Variants in SMAD9 observed in about 807,000 individuals in gnomAD.
SMAD9 encodes the protein SMAD family member 9.
SMAD9 carries 36 observed loss-of-function variants against 46.1 expected under a neutral mutation model. The observed-to-expected ratio is 0.78, with a 90% CI of 0.60 to 1.03. The LOEUF is 1.03. SMAD9 is among the 50% of genes least tolerant of loss of function. SMAD9 has a pLI of 0.00. For synonymous variants in SMAD9, 245 were observed against 237.1 expected, an observed-to-expected ratio of 1.03 and a Z score of -0.31; for missense variants, 572 against 599.8, an observed-to-expected ratio of 0.95 and a Z score of 0.48.
chr13:36,899,853 C>T (rs1190177803), intron 1 of SMAD9, among the ~76,000 whole-genome samples: 2 of 152,218 alleles, frequency 1.3e-5, no homozygotes, highest in East Asian at 1.9e-4. Flanking sequence ...CCCTGCTTTA[C>T]ACTAGTCCCT....
At chr13:36,879,188 C>G in intron 2 of SMAD9, 90 bp downstream of exon 2, 1 of 1,144,412 alleles carries the variant, frequency 8.7e-7, no homozygotes, top group Non-Finnish European at 1.3e-6. Flanking sequence ...TGGGAGAGGT[C>G]CCTGTCTGCT....
At chr13:36,858,185 T>TA (rs146116598) in intron 5 of SMAD9, among the ~76,000 whole-genome samples, 2,693 of 152,080 alleles carry the variant, frequency 0.018, 75 homozygotes, top group African/African-American at 0.061. Context: ...TTTCCCACAA[T>TA]AAAAAAGTTT....
rs371228985 is a variant in SMAD9, at chr13:36,908,637, C to T, written c.-187+11479G>A. Among the ~76,000 whole-genome samples the T allele has an allele frequency of 8.5e-4, 129 of 152,236 alleles. 1 individual carries two copies. In the South Asian group the frequency reaches 0.024, roughly 29 times the overall value. ...ATATTTGAAGTTCATTTTAAAAATA[C>T]ATCATCATCACTCCTGAATTTGGGT... is the stretch of plus-strand genomic sequence containing the variant. On this transcript the variant is annotated intron_variant, in intron 1 of 6. Transcript: ENST00000379826.
intron 2 of SMAD9, among the ~76,000 whole-genome samples, chr13:36,876,222 C>A (rs958158488): frequency 1.3e-5 from 2 of 151,886 alleles, no homozygotes; most frequent in Middle Eastern, 3.2e-3. Flanking sequence ...CATGGGCATG[C>A]AAAGCAGAGC....
chr13:36,862,166 A>T (rs1314487034), intron 5 of SMAD9, among the ~76,000 whole-genome samples: 1 of 152,144 alleles, frequency 6.6e-6, no homozygotes, highest in African/African-American at 2.4e-5. Context: ...TCTGTGTCAC[A>T]GCCATTTGAA....
intron 1 of SMAD9, among the ~76,000 whole-genome samples, chr13:36,912,966 TAA>T (rs1213983389): frequency 3.9e-5 from 6 of 152,200 alleles, no homozygotes; most frequent in Non-Finnish European, 8.8e-5. Context: ...GTCCCTCGTA[TAA>T]AATGGTATAT....
At chr13:36,907,273 A>T (rs554385424) in intron 1 of SMAD9, among the ~76,000 whole-genome samples, 1 of 151,482 alleles carries the variant, frequency 6.6e-6, no homozygotes, top group East Asian at 2.0e-4. Flanking sequence ...AATGGTACAG[A>T]GTTTCAGTTT....
intron 3 of SMAD9, 34 bp downstream of exon 3, chr13:36,872,624 C>A (rs1449809353): frequency 6.2e-7 from 1 of 1,612,078 alleles, no homozygotes; most frequent in Non-Finnish European, 8.5e-7. Flanking sequence ...GCTTATTTTC[C>A]CGTATTTCCC....
chr13:36,860,536 G>C (rs1424995572), intron 5 of SMAD9, among the ~76,000 whole-genome samples: 1 of 149,182 alleles, frequency 6.7e-6, no homozygotes, highest in East Asian at 2.0e-4. Context: ...TGCAAGCTCT[G>C]CCTCCTGGGT....
rs61006734 is a variant in SMAD9 at position 36,882,227 on chromosome 13, C to CTGTGTGTGTGTG, written c.-186-2364_-186-2353dup. On this transcript the variant is annotated intron_variant, in intron 1 of 6. Coordinates refer to ENST00000379826, the MANE Select transcript of SMAD9 (RefSeq NM_001127217.3). ...AAAAATTTTCATTCACAGGTATGTG[C>CTGTGTGTGTGTG]TGTGTGTGTGTGTGTGTGTGTGTGT... 3.3e-4 allele frequency among the ~76,000 whole-genome samples: 50 copies of CTGTGTGTGTGTG among 149,430 alleles called. 1 individual carries two copies. The highest frequency in any genetic ancestry group is 1.1e-3 in the South Asian group (5 of 4,672).
chr13:36,885,887 A>G (rs1214498674), intron 1 of SMAD9, among the ~76,000 whole-genome samples: 3 of 152,246 alleles, frequency 2.0e-5, no homozygotes, highest in East Asian at 3.9e-4. Flanking sequence ...AAAAAGGGGG[A>G]AAAGGAGAAA....
intron 1 of SMAD9, among the ~76,000 whole-genome samples, chr13:36,911,153 G>A (rs573149650): frequency 4.0e-5 from 6 of 151,894 alleles, no homozygotes; most frequent in East Asian, 1.9e-4. Flanking sequence ...CTACAGGCAC[G>A]CCCCACCAAG....
intron 6 of SMAD9, among the ~76,000 whole-genome samples, chr13:36,851,339 G>A (rs892650908): frequency 6.6e-6 from 1 of 152,046 alleles, no homozygotes; most frequent in Admixed American, 6.6e-5. Flanking sequence ...TCCTCCAGGG[G>A]TCCCTGGGCC....
intron 1 of SMAD9, among the ~76,000 whole-genome samples, chr13:36,900,511 C>T (rs12560797): frequency 0.016 from 2,470 of 152,086 alleles, 62 homozygotes; most frequent in East Asian, 0.077. Flanking sequence ...GAACTCCTGA[C>T]CTCGTGATCC....
At chr13:36,910,535 G>A (rs1433061390) in intron 1 of SMAD9, among the ~76,000 whole-genome samples, 8 of 152,088 alleles carry the variant, frequency 5.3e-5, no homozygotes, top group African/African-American at 1.2e-4. Flanking sequence ...GTGAGTTGAC[G>A]CCTGTAACAT....
At chr13:36,862,341 G>A (rs1254927226) in intron 5 of SMAD9, among the ~76,000 whole-genome samples, 1 of 152,124 alleles carries the variant, frequency 6.6e-6, no homozygotes, top group African/African-American at 2.4e-5. Context: ...CCATAAAGAA[G>A]CCAGCCAAAA....
intron 1 of SMAD9, among the ~76,000 whole-genome samples, chr13:36,899,763 A>G (rs1234230808): frequency 6.6e-6 from 1 of 152,228 alleles, no homozygotes; most frequent in Non-Finnish European, 1.5e-5. Flanking sequence ...AAAGGAAACT[A>G]GTTTGGATGA....
chr13:36,870,636 G>C (rs1566021396), intron 3 of SMAD9, among the ~76,000 whole-genome samples: 3 of 152,172 alleles, frequency 2.0e-5, no homozygotes. Context: ...TTCTCCACCA[G>C]AGATACAGTC....
In SMAD9 at chr13:36,879,407, C is replaced by A. The variant is rs370858678; in HGVS notation, c.283G>T (p.Val95Leu). The change falls in exon 2 of 7, where the codon GTG becomes TTG. Residue 95 changes from valine (V) to leucine (L), a missense_variant. Transcript: ENST00000379826. Reference protein sequence around the residue: ...KGLPHVIYCRVWRWPDLQSHH... With the variant: ...KGLPHVIYCRLWRWPDLQSHH... ...GACTGCAGATCCGGCCAGCGCCACACGCGACAGTAAATCACATGGGGCAGG... is the reference window on the plus strand; with the variant it reads ...GACTGCAGATCCGGCCAGCGCCACAAGCGACAGTAAATCACATGGGGCAGG... 1.8e-5 allele frequency: 29 copies of A among 1,613,894 alleles called. No homozygotes were observed. The highest frequency in any genetic ancestry group is 2.2e-5 in the Non-Finnish European group (26 of 1,180,040).
Sources: gnomAD v4.1 joint callset for allele counts (sites outside exome capture counted in the v4.1 genomes callset) on GRCh38, gnomAD v4.1.1 for gene constraint, MANE v1.5 for transcripts, NCBI Gene and HGNC (gene_info 2026-07-23, HGNC 2026-07-21) for gene names.